The following COMP variants were observed in gnomAD, a reference collection of about 807,000 sequenced individuals.
The protein encoded by COMP is cartilage oligomeric matrix protein.
COMP carries 79 observed loss-of-function variants against 95.8 expected under a neutral mutation model. That is an observed-to-expected ratio of 0.82 (90% CI 0.69 to 0.99). The LOEUF (loss-of-function observed/expected upper bound fraction) is 0.99, where lower values mean the gene tolerates loss of function less well. Among genes scored for constraint, COMP ranks in the 50% least tolerant of loss-of-function variants. The probability of loss-of-function intolerance (pLI) is 0.00; values close to 1 mark genes in which losing one functional copy is unlikely to be tolerated. For synonymous variants in COMP, 438 were observed against 433.9 expected (o/e 1.01, Z -0.12); for missense variants, 906 against 1,076.1 (o/e 0.84, Z 2.21).
chr19:18,787,864 CTCTTTCTT>C (rs1555791611), intron 9 of COMP, among the ~76,000 whole-genome samples: 4 of 108,830 alleles, frequency 3.7e-5, no homozygotes, highest in Non-Finnish European at 5.5e-5. Flanking sequence ...TTTTCTTTTT[CTCTTTCTT>C]TCTTTCTTTC....
rs755831883 is a variant in COMP, at chr19:18,789,309, G to C, written c.391-12C>G. ...GGGTGGGCGTTGCACTGGGGGAGGAGGGGCCACAGAGGGTCAGAGGGCTTC... is the reference window on the plus strand; with the variant it reads ...GGGTGGGCGTTGCACTGGGGGAGGACGGGCCACAGAGGGTCAGAGGGCTTC... On this transcript the variant is annotated splice_polypyrimidine_tract_variant and intron_variant, in intron 4 of 18. Transcript: ENST00000222271. The surrounding 1 kb of genome is among the most constrained non-coding windows in gnomAD (Gnocchi z 6.1). 3.4e-6 allele frequency: 5 copies of C among 1,477,478 alleles called. No homozygotes were observed. The South Asian group carries it at 7.2e-5, about 21-fold the overall frequency. 91.5% of individuals were successfully genotyped at this position (1,477,478 alleles called of 1,614,324 possible).
chr19:18,783,145 G>A lies in COMP; in HGVS notation c.2136C>T (p.Val712=), dbSNP rs2055137247. The change falls in exon 18 of 19, where the codon GTC becomes GTT. Residue 712 remains valine (V), a synonymous_variant. Transcript: ENST00000222271. ...GGCCACCCCGCATGGTTGTGTCCAA[G>A]ACCACGTTGCTGTCGGCCACCAGCT... The part of the protein sequence containing the change: ...GPELVADSNV[V]LDTTMRGGRL... 1 of 1,610,522 alleles carries A rather than the reference G, an allele frequency of 6.2e-7. No individual in the cohort carries two copies. The highest frequency in any genetic ancestry group is 1.3e-5 in the African/African-American group (1 of 74,946).
At position 18,788,608 on chromosome 19, in the gene COMP, C is replaced by A. The variant is rs1207431343; in HGVS notation, c.746G>T (p.Gly249Val). ...EHADCVLERD[G>V]SRSCVCAVGW... is the part of the protein sequence containing the mutation. ...CGCACTCACCACGCACGACCGCGAGCCATCGCGCTCTAGGACGCAGTCTGC... is the reference window on the plus strand; with the variant it reads ...CGCACTCACCACGCACGACCGCGAGACATCGCGCTCTAGGACGCAGTCTGC... The change falls in exon 7 of 19, where the codon GGC becomes GTC. Residue 249 changes from glycine (G) to valine (V), a missense_variant. Physicochemically the swap from Gly to Val is moderately radical, Grantham distance 109. Coordinates refer to ENST00000222271, the MANE Select transcript of COMP (RefSeq NM_000095.3). The surrounding 1 kb of genome is among the most constrained non-coding windows in gnomAD (Gnocchi z 4.7). 5.8e-6 allele frequency: 9 copies of A among 1,551,258 alleles called. No homozygotes were observed. Among genetic ancestry groups the A allele is most frequent in the African/African-American group, 1.4e-5 (1 of 73,112 alleles).
chr19:18,787,531 G>A lies in COMP; in HGVS notation c.1095C>T (p.Asp365=), dbSNP rs1370648716. ...CGTCGTCGCACGCATCGCCCCGGCC[G>A]TCCTGGTCTGTGTCCTTTTGGTCGT... is the stretch of plus-strand genomic sequence containing the variant. ...KNDDQKDTDQ[D]GRGDACDDDI... Residue 365 remains aspartate (D), a synonymous_variant, in exon 10 of 19, where the codon GAC becomes GAT. Coordinates refer to ENST00000222271, the MANE Select transcript of COMP (RefSeq NM_000095.3). 6 of 1,613,754 alleles carry A rather than the reference G, an allele frequency of 3.7e-6. No individual in the cohort carries two copies. The highest frequency in any genetic ancestry group is 2.2e-5 in the East Asian group (1 of 44,868).
rs1248580670 is a variant in COMP, at chr19:18,786,011, C to T, written c.1443G>A (p.Arg481=). The stretch of plus-strand genomic sequence containing the variant: ...GGTTAGGCACCAGGCGGCAGTTGTC[C>T]CGACTGTCAGGGACTCCGTCATTGT... ...DDDNDGVPDS[R]DNCRLVPNPG... Residue 481 remains arginine (R), a synonymous_variant, in exon 13 of 19, where the codon CGG becomes CGA. Transcript: ENST00000222271. 1.5e-5 allele frequency: 25 copies of T among 1,613,434 alleles called. No individual in the cohort carries two copies. The highest frequency in any genetic ancestry group is 2.1e-5 in the Non-Finnish European group (25 of 1,180,008).
chr19:18,790,723 C>T lies in COMP; in HGVS notation c.166-110G>A, dbSNP rs2055206770. 5 of 1,609,884 alleles carry T rather than the reference C, an allele frequency of 3.1e-6. No individual in the cohort carries two copies. The South Asian group carries it at 5.5e-5, about 18-fold the overall frequency. ...TACAGCCTCTTTTCGCCAAGGACTCCCTACCCGCCGACCCCCTTCCCTCCC... is the reference window on the plus strand; with the variant it reads ...TACAGCCTCTTTTCGCCAAGGACTCTCTACCCGCCGACCCCCTTCCCTCCC... On this transcript the variant is annotated intron_variant, in intron 2 of 18. Transcript: ENST00000222271.
Position 18,789,916 on chromosome 19 carries a change from G to T in COMP, c.390+26C>A. 6.3e-7 allele frequency: 1 copy of T among 1,594,870 alleles called. No homozygotes were observed. On this transcript the variant is annotated intron_variant, in intron 4 of 18. Coordinates refer to ENST00000222271, the MANE Select transcript of COMP (RefSeq NM_000095.3). This position sits in a 1 kb window ranked among gnomAD's most constrained non-coding sequence, Gnocchi z 6.1. ...GGGGGCGGTAGAGGGAGTCGTCAGG[G>T]CGGTGGAGTGTCGGGGCTAGCGCAC...
chr19:18,784,479 A>C lies in COMP; in HGVS notation c.1915-116T>G. The C allele has an allele frequency of 8.2e-7, 1 of 1,214,664 alleles. No individual in the cohort carries two copies. 75.2% of individuals were successfully genotyped at this position (1,214,664 alleles called of 1,614,324 possible). On this transcript the variant is annotated intron_variant, in intron 16 of 18. Coordinates refer to ENST00000222271, the MANE Select transcript of COMP (RefSeq NM_000095.3). The surrounding 1 kb of genome is among the most constrained non-coding windows in gnomAD (Gnocchi z 4.9). ...GTGGTGGGCGGCCAGGGGGATCCGG[A>C]TGAGAGACCCACAAGGAAGCCTTCT...
chr19:18,788,852 C>T lies in COMP; in HGVS notation c.590G>A (p.Cys197Tyr), dbSNP rs770442870. The change falls in exon 6 of 19, where the codon TGC becomes TAC. Residue 197 changes from cysteine (C) to tyrosine (Y), a missense_variant. Physicochemically the swap from Cys to Tyr is radical, Grantham distance 194. Coordinates refer to ENST00000222271, the MANE Select transcript of COMP (RefSeq NM_000095.3). This position sits in a 1 kb window ranked among gnomAD's most constrained non-coding sequence, Gnocchi z 4.7. ...GQHNCVPNSVCINTRGSFQCG... is the reference protein window; with the variant it reads ...GQHNCVPNSVYINTRGSFQCG... The stretch of plus-strand genomic sequence containing the variant: ...AGCGGGCCTTACCCGGGTGTTGATG[C>T]ACACGGAGTTGGGGACGCAGTTATG... 1.2e-6 allele frequency: 2 copies of T among 1,613,944 alleles called. No homozygotes were observed. The highest frequency in any genetic ancestry group is 8.5e-7 in the Non-Finnish European group (1 of 1,179,978).
intron 17 of COMP, 141 bp from the exon 18 acceptor site, chr19:18,783,334 T>G (rs1294005883): frequency 8.1e-7 from 1 of 1,234,540 alleles, no homozygotes; most frequent in East Asian, 2.5e-5. Context: ...GGGCCTCAGT[T>G]TCCTGGTGTG....
chr19:18,786,598 C>T lies in COMP; in HGVS notation c.1188G>A (p.Lys396=). 4 of 1,614,036 alleles carry T rather than the reference C, an allele frequency of 2.5e-6. No individual in the cohort carries two copies. The highest frequency in any genetic ancestry group is 3.4e-6 in the Non-Finnish European group (4 of 1,180,008). The change falls in exon 11 of 19, where the codon AAG becomes AAA. Residue 396 remains lysine (K), a synonymous_variant. Transcript: ENST00000222271. ...NCPRVPNSDQ[K]DSDGDGIGDA... The stretch of plus-strand genomic sequence containing the variant: ...CCCCTATACCATCGCCATCACTGTC[C>T]TTCTGGTCTGAGTTGGGTACCCTAG...
Position 18,788,812 on chromosome 19 carries a change from CCTTT to C in COMP, c.603+23_603+26del. ...CGCCGCTCGCCCCACCTCCCGCGAT[CCTTT>C]CTTCCTCCCCAGCGGGCCTTACCCG... On this transcript the variant is annotated intron_variant, in intron 6 of 18. Transcript: ENST00000222271. This position sits in a 1 kb window ranked among gnomAD's most constrained non-coding sequence, Gnocchi z 4.7. 1 of 1,612,830 alleles carries C rather than the reference CCTTT, an allele frequency of 6.2e-7. No homozygotes were observed.
intron 10 of COMP, 41 bp downstream of exon 10, chr19:18,787,450 C>T (rs373019491): frequency 1.2e-5 from 19 of 1,604,376 alleles, no homozygotes; most frequent in African/African-American, 2.7e-5. Flanking sequence ...CCCTTCGGTG[C>T]CCGCCGCCTC....
Position 18,784,486 on chromosome 19 carries a change from A to G in COMP, c.1915-123T>C, listed in dbSNP as rs1010072572. ...GCGGCCAGGGGGATCCGGATGAGAGACCCACAAGGAAGCCTTCTTCAGGGG... is the reference window on the plus strand; with the variant it reads ...GCGGCCAGGGGGATCCGGATGAGAGGCCCACAAGGAAGCCTTCTTCAGGGG... On this transcript the variant is annotated intron_variant, in intron 16 of 18. Coordinates refer to ENST00000222271, the MANE Select transcript of COMP (RefSeq NM_000095.3). The surrounding 1 kb of genome is among the most constrained non-coding windows in gnomAD (Gnocchi z 4.9). 1.5e-5 allele frequency: 17 copies of G among 1,149,980 alleles called. No homozygotes were observed. The highest frequency in any genetic ancestry group is 2.2e-5 in the Non-Finnish European group (17 of 786,586). 71.2% of individuals were successfully genotyped at this position (1,149,980 alleles called of 1,614,324 possible). A position where few individuals can be genotyped will look rare whatever the true frequency, so the allele number is the denominator to read the frequency against.
At chr19:18,786,497 A>C in intron 11 of COMP, 35 bp downstream of exon 11, 2 of 1,583,642 alleles carry the variant, frequency 1.3e-6, no homozygotes, top group Non-Finnish European at 1.7e-6. Context: ...GTTCACCCAG[A>C]GGGCTTACCC....
chr19:18,790,825 C>G (rs1315620764), intron 2 of COMP, 25 bp downstream of exon 2: 1 of 1,554,642 alleles, frequency 6.4e-7, no homozygotes, highest in African/African-American at 1.4e-5. Flanking sequence ...CCTGGCACTC[C>G]CTGCCCCGCA....
At position 18,784,126 on chromosome 19, in the gene COMP, C is replaced by T; in HGVS notation, c.2087+65G>A. 1 of 1,582,124 alleles carries T rather than the reference C, an allele frequency of 6.3e-7. No individual in the cohort carries two copies. The highest frequency in any genetic ancestry group is 8.7e-7 in the Non-Finnish European group (1 of 1,153,422). On this transcript the variant is annotated intron_variant, in intron 17 of 18. Transcript: ENST00000222271. This position sits in a 1 kb window ranked among gnomAD's most constrained non-coding sequence, Gnocchi z 4.9. ...CAGGGTCACACAGCCCCTGCCTGGCCAGGGCACTCCCACCTGGGCCTGTGT... is the reference window on the plus strand; with the variant it reads ...CAGGGTCACACAGCCCCTGCCTGGCTAGGGCACTCCCACCTGGGCCTGTGT...
chr19:18,789,512 C>A lies in COMP; in HGVS notation c.391-215G>T, dbSNP rs1363878720. ...GAGAGGAGAGCTGTTCCCTCATGGG[C>A]GAGGGGAGGAAGGATGAGGGCGGGC... On this transcript the variant is annotated intron_variant, in intron 4 of 18. Transcript: ENST00000222271. This position sits in a 1 kb window ranked among gnomAD's most constrained non-coding sequence, Gnocchi z 6.1. Among the ~76,000 whole-genome samples the A allele has an allele frequency of 1.3e-5, 2 of 150,722 alleles. No individual in the cohort carries two copies. Among genetic ancestry groups the A allele is most frequent in the African/African-American group, 4.9e-5 (2 of 40,826 alleles).
chr19:18,783,956 G>C (rs1433517521), intron 17 of COMP, among the ~76,000 whole-genome samples: 1 of 152,068 alleles, frequency 6.6e-6, no homozygotes, highest in Admixed American at 6.6e-5. Flanking sequence ...ATGTTACCCA[G>C]GCTGCCTCGA....
Sources: allele counts gnomAD v4.1 joint callset (sites outside exome capture counted in the v4.1 genomes callset), GRCh38; gene constraint gnomAD v4.1.1; non-coding constraint Gnocchi (gnomAD v3.1); transcripts MANE v1.5; gene names NCBI Gene and HGNC (gene_info 2026-07-23, HGNC 2026-07-21).